Variants in IGSF11 observed in about 807,000 individuals in gnomAD.
IGSF11 encodes the protein CXADR like 1.
Under a neutral mutation model 41.0 loss-of-function variants are expected in IGSF11, and 22 were observed. The ratio of observed to expected loss-of-function variants is 0.54; its 90% CI spans 0.38 to 0.77. The LOEUF is 0.77. IGSF11 is among the 30% of genes least tolerant of loss of function. The pLI is 0.00. For synonymous variants in IGSF11, 219 were observed against 201.3 expected (o/e 1.09, Z -0.74); for missense variants, 444 against 530.8 (o/e 0.84, Z 1.61).
At chr3:118,910,965 G>T (rs1487890923) in intron 4 of IGSF11, among the ~76,000 whole-genome samples, 1 of 151,992 alleles carries the variant, frequency 6.6e-6, no homozygotes, top group African/African-American at 2.4e-5. Flanking sequence ...CATTTTCATA[G>T]CATTAACATG....
chr3:119,145,618 C>T (rs1263918876), intron 1 of IGSF11, among the ~76,000 whole-genome samples: 1 of 152,176 alleles, frequency 6.6e-6, no homozygotes, highest in Non-Finnish European at 1.5e-5. Context: ...CTGGCTCTCC[C>T]GCCACAGATC....
chr3:119,008,260 C>T (rs939352346), intron 1 of IGSF11, among the ~76,000 whole-genome samples: 3 of 152,112 alleles, frequency 2.0e-5, no homozygotes, highest in African/African-American at 2.4e-5. Flanking sequence ...TAGAAGTCAA[C>T]GGGAATATAC....
exon 1 of IGSF11, chr3:119,145,956 A>G: frequency 2.1e-6 from 1 of 477,930 alleles, no homozygotes; most frequent in South Asian, 3.0e-5. Flanking sequence ...GAGCCTGAGA[A>G]TCGCCCCTTC....
chr3:119,016,356 T>C (rs1028755903), intron 1 of IGSF11, among the ~76,000 whole-genome samples: 3 of 152,198 alleles, frequency 2.0e-5, no homozygotes, highest in African/African-American at 7.2e-5. Context: ...AGCATGAACA[T>C]GAATGACAAA....
At chr3:118,918,592 C>T (rs1203422321) in intron 4 of IGSF11, among the ~76,000 whole-genome samples, 114 of 131,984 alleles carry the variant, frequency 8.6e-4, no homozygotes, top group South Asian at 1.4e-3. Flanking sequence ...CAAACCACTG[C>T]TCAATGAAAT....
At chr3:119,006,226 G>A (rs1380064597) in intron 1 of IGSF11, among the ~76,000 whole-genome samples, 9 of 125,572 alleles carry the variant, frequency 7.2e-5, no homozygotes, top group Middle Eastern at 7.2e-3. Flanking sequence ...ATCTTCCATC[G>A]CTGATACCCT....
intron 1 of IGSF11, among the ~76,000 whole-genome samples, chr3:119,058,787 T>A (rs1180705644): frequency 6.6e-6 from 1 of 152,034 alleles, no homozygotes; most frequent in East Asian, 1.9e-4. Context: ...TGGAATACTA[T>A]GCAGCCATAA....
chr3:119,005,036 T>C (rs913574402), intron 1 of IGSF11, among the ~76,000 whole-genome samples: 2 of 148,672 alleles, frequency 1.3e-5, no homozygotes, highest in Non-Finnish European at 3.0e-5. Context: ...TCCTGTCTCG[T>C]TGATCTGTCC....
intron 1 of IGSF11, among the ~76,000 whole-genome samples, chr3:119,074,213 C>T (rs2076453350): frequency 6.6e-6 from 1 of 152,176 alleles, no homozygotes. Flanking sequence ...ACAGAATATA[C>T]ATTCTCATCT....
chr3:118,940,185 T>G (rs1486252092), intron 1 of IGSF11, among the ~76,000 whole-genome samples: 3 of 152,168 alleles, frequency 2.0e-5, no homozygotes, highest in Non-Finnish European at 4.4e-5. Flanking sequence ...TTGTAGTCAC[T>G]GCAATAAGGC....
At chr3:119,083,748 A>G (rs1388784132) in intron 1 of IGSF11, among the ~76,000 whole-genome samples, 1 of 152,262 alleles carries the variant, frequency 6.6e-6, no homozygotes, top group Non-Finnish European at 1.5e-5. Context: ...AAAGTATAGC[A>G]CATACAATTA....
At chr3:118,913,095 A>G (rs529532556) in intron 4 of IGSF11, among the ~76,000 whole-genome samples, 1 of 152,226 alleles carries the variant, frequency 6.6e-6, no homozygotes, top group African/African-American at 2.4e-5. Context: ...GATCTGGAAA[A>G]ATAAAAAACA....
chr3:118,989,803 C>A (rs1348955306), intron 1 of IGSF11, among the ~76,000 whole-genome samples: 1 of 152,112 alleles, frequency 6.6e-6, no homozygotes, highest in African/African-American at 2.4e-5. Context: ...GTTTAAGGAG[C>A]AATGAATAGA....
At position 119,029,237 on chromosome 3, in the gene IGSF11, TACACACACACAC is replaced by T. The variant is rs10662902; in HGVS notation, c.52+5282_52+5293del. ...TAGACATGGTACTGCCTTTTGGGAA[TACACACACACAC>T]ACACACACACACACACACACACACA... On this transcript the variant is annotated intron_variant, in intron 1 of 6. Coordinates refer to ENST00000393775, the MANE Select transcript of IGSF11 (RefSeq NM_001015887.3). Among the ~76,000 whole-genome samples, 56 of 123,200 alleles carry T rather than the reference TACACACACACAC, an allele frequency of 4.5e-4. No homozygotes were observed. The South Asian group carries it at 0.011, about 23-fold the overall frequency. The allele number at this position is 123,200 out of a possible 152,430, so 80.8% of individuals were successfully genotyped here.
chr3:118,948,170 C>T (rs933211034), intron 1 of IGSF11: 2 of 152,246 alleles, frequency 1.3e-5, no homozygotes, highest in African/African-American at 2.4e-5. Context: ...AGAGCTGAAA[C>T]GCACTGTGTC....
chr3:118,992,425 C>T (rs908696887), intron 1 of IGSF11, among the ~76,000 whole-genome samples: 4 of 152,198 alleles, frequency 2.6e-5, no homozygotes, highest in Non-Finnish European at 5.9e-5. Flanking sequence ...GTTCTTTAAA[C>T]ATTTAGCAAA....
At chr3:119,111,379 G>A (rs1348144140) in intron 1 of IGSF11, among the ~76,000 whole-genome samples, 11 of 151,858 alleles carry the variant, frequency 7.2e-5, no homozygotes, top group African/African-American at 1.9e-4. Flanking sequence ...CCAGTTGATC[G>A]CATCAGCTCC....
intron 1 of IGSF11, among the ~76,000 whole-genome samples, chr3:118,996,076 G>A (rs1185256000): frequency 6.6e-6 from 1 of 152,184 alleles, no homozygotes; most frequent in South Asian, 2.1e-4. Flanking sequence ...GAGCCACCAC[G>A]CATGGACAGC....
At chr3:119,139,352 G>C (rs2077607513) in intron 1 of IGSF11, among the ~76,000 whole-genome samples, 1 of 152,132 alleles carries the variant, frequency 6.6e-6, no homozygotes, top group African/African-American at 2.4e-5. Context: ...AGTACATTAG[G>C]TATTTGATAT....
Sources: gnomAD v4.1 joint callset for allele counts (sites outside exome capture counted in the v4.1 genomes callset) on GRCh38, gnomAD v4.1.1 for gene constraint, MANE v1.5 for transcripts, NCBI Gene and HGNC (gene_info 2026-07-23, HGNC 2026-07-21) for gene names.